The following ENTPD1 variants were observed in gnomAD, a reference collection of about 807,000 sequenced individuals.
ENTPD1 encodes ATP diphosphohydrolase.
A neutral mutation model predicts 57.0 loss-of-function variants in ENTPD1; 33 were observed. The ratio of observed to expected loss-of-function variants is 0.58; its 90% CI spans 0.44 to 0.77. ENTPD1 has a LOEUF of 0.77. Ranked by LOEUF, ENTPD1 falls within the 30% of genes least tolerant of loss-of-function variation. The pLI, the probability that ENTPD1 is intolerant of heterozygous loss-of-function variation, is 0.00. For synonymous variants in ENTPD1, 202 were observed against 218.8 expected (o/e 0.92, Z 0.68); for missense variants, 501 against 603.4 (o/e 0.83, Z 1.78).
rs1209119549 is a variant in ENTPD1, at chr10:95,791,856, C to CT, written c.17-31378dup. Reference sequence around the variant, plus strand: ...CTGGAGTGTGTGAACTCTAAGGATCCTTTCAACTTTGAGATTTTTTTTTGG... The same window carrying CT: ...CTGGAGTGTGTGAACTCTAAGGATCCTTTTCAACTTTGAGATTTTTTTTTGG... On this transcript the variant is annotated intron_variant, in intron 1 of 9. Transcript: ENST00000371205. This position sits in a 1 kb window ranked among gnomAD's most constrained non-coding sequence, Gnocchi z 4.1. Among the ~76,000 whole-genome samples the CT allele has an allele frequency of 1.3e-5, 2 of 152,092 alleles. No individual in the cohort carries two copies. The highest frequency in any genetic ancestry group is 4.8e-5 in the African/African-American group (2 of 41,406).
At chr10:95,703,805 A>T in the ENTPD1 span, among the ~76,000 whole-genome samples, 207 of 119,584 alleles carry the variant, frequency 1.7e-3, no homozygotes, top group Non-Finnish European at 2.8e-3. Flanking sequence ...AAAAAAAAAG[A>T]TCTGACTGGG....
upstream of ENTPD1, among the ~76,000 whole-genome samples, chr10:95,752,916 T>G (rs1225047643): frequency 6.6e-6 from 1 of 152,192 alleles, no homozygotes; most frequent in Non-Finnish European, 1.5e-5. Context: ...TTTATTCATC[T>G]TGCAACACTA....
intron 1 of ENTPD1, among the ~76,000 whole-genome samples, chr10:95,714,105 G>A (rs964294247): frequency 3.3e-4 from 50 of 152,142 alleles, no homozygotes; most frequent in African/African-American, 1.2e-3. Context: ...GAGCTCAGGA[G>A]TTCAAGACCA....
At chr10:95,697,425 A>G in the ENTPD1 span, among the ~76,000 whole-genome samples, 4 of 152,166 alleles carry the variant, frequency 2.6e-5, no homozygotes, top group South Asian at 6.2e-4. Context: ...CTAGCCCACT[A>G]CTAGGTTTGC....
chr10:95,752,092 G>A (rs1012927987), upstream of ENTPD1, among the ~76,000 whole-genome samples: 1 of 152,136 alleles, frequency 6.6e-6, no homozygotes, highest in African/African-American at 2.4e-5. Context: ...AAAGAAGGAA[G>A]GCCAACAATG....
chr10:95,739,000 A>T (rs1355404262), intron 1 of ENTPD1, among the ~76,000 whole-genome samples: 2 of 151,712 alleles, frequency 1.3e-5, no homozygotes, highest in Non-Finnish European at 2.9e-5. Flanking sequence ...GCATATAAAA[A>T]TTATGTTTAC....
intron 1 of ENTPD1, among the ~76,000 whole-genome samples, chr10:95,817,591 A>C (rs986722663): frequency 7.9e-5 from 12 of 152,204 alleles, no homozygotes; most frequent in Non-Finnish European, 1.8e-4. Flanking sequence ...TCCTCTGACC[A>C]GTTCCTACTA....
At chr10:95,780,758 C>A (rs1438244841) in intron 1 of ENTPD1, among the ~76,000 whole-genome samples, 2 of 152,152 alleles carry the variant, frequency 1.3e-5, no homozygotes, top group African/African-American at 4.8e-5. Flanking sequence ...GTAGGGGCAT[C>A]AGGGAAGTAC....
intron 1 of ENTPD1, among the ~76,000 whole-genome samples, chr10:95,730,903 G>A (rs188977658): frequency 3.7e-4 from 56 of 152,268 alleles, no homozygotes; most frequent in African/African-American, 1.3e-3. Context: ...GCTTCATTAG[G>A]TCAATAGATC....
At chr10:95,824,612 T>G (rs2098367244) in intron 2 of ENTPD1, among the ~76,000 whole-genome samples, 1 of 152,266 alleles carries the variant, frequency 6.6e-6, no homozygotes, top group Admixed American at 6.5e-5. Flanking sequence ...CATTATTTGT[T>G]TACCAGCTCC....
At chr10:95,754,673 T>C (rs2098018033), upstream of ENTPD1, 1 of 152,222 alleles carries the variant, frequency 6.6e-6, no homozygotes, top group Non-Finnish European at 1.5e-5. Context: ...CCAATATTCA[T>C]TATTAGAGAT....
At chr10:95,802,520 C>T (rs947336109) in intron 1 of ENTPD1, among the ~76,000 whole-genome samples, 7 of 151,610 alleles carry the variant, frequency 4.6e-5, no homozygotes, top group Non-Finnish European at 8.8e-5. Flanking sequence ...AGGTTTGATA[C>T]ATAGGTATAC....
chr10:95,751,630 G>A (rs1299096108), upstream of ENTPD1, among the ~76,000 whole-genome samples: 1 of 151,506 alleles, frequency 6.6e-6, no homozygotes, highest in African/African-American at 2.4e-5. Context: ...CACAAGAATC[G>A]CTTGAACCTG....
chr10:95,792,932 C>T (rs1012805627), intron 1 of ENTPD1, among the ~76,000 whole-genome samples: 2 of 152,188 alleles, frequency 1.3e-5, no homozygotes, highest in Non-Finnish European at 2.9e-5. Context: ...ACTCTGGCCA[C>T]GTATTCCACT....
At chr10:95,734,652 TACATGTA>T (rs2097992675) in intron 1 of ENTPD1, among the ~76,000 whole-genome samples, 1 of 152,240 alleles carries the variant, frequency 6.6e-6, no homozygotes, top group Non-Finnish European at 1.5e-5. Context: ...CAAGTAACTG[TACATGTA>T]GTAAATGTTT....
chr10:95,773,001 G>A (rs558678652), intron 1 of ENTPD1, among the ~76,000 whole-genome samples: 127 of 152,308 alleles, frequency 8.3e-4, no homozygotes, highest in Non-Finnish European at 2.4e-4. Context: ...AGGGTTTCAG[G>A]CTGCTTCCAC....
chr10:95,751,605 C>A (rs1287401860), upstream of ENTPD1, among the ~76,000 whole-genome samples: 4 of 151,892 alleles, frequency 2.6e-5, no homozygotes, highest in Non-Finnish European at 5.9e-5. Context: ...ATCCCAGCTA[C>A]TCAGGAGGTG....
At chr10:95,858,970 ATATGTG>A (rs1223446027) in intron 7 of ENTPD1, among the ~76,000 whole-genome samples, 1 of 152,194 alleles carries the variant, frequency 6.6e-6, no homozygotes, top group Non-Finnish European at 1.5e-5. Flanking sequence ...CAAACCCTTT[ATATGTG>A]TGTGTTTGTA....
At chr10:95,795,022 C>G (rs960322008) in intron 1 of ENTPD1, among the ~76,000 whole-genome samples, 3 of 152,090 alleles carry the variant, frequency 2.0e-5, no homozygotes, top group African/African-American at 7.2e-5. Flanking sequence ...TTCTAAGTAA[C>G]TAGTGGATGA....
Sources: allele counts gnomAD v4.1 joint callset (sites outside exome capture counted in the v4.1 genomes callset), GRCh38; gene constraint gnomAD v4.1.1; non-coding constraint Gnocchi (gnomAD v3.1); transcripts MANE v1.5; gene names NCBI Gene and HGNC (gene_info 2026-07-23, HGNC 2026-07-21).